SLC39A8: variants seen among roughly 807,000 people sequenced by gnomAD.
The protein encoded by SLC39A8 is solute carrier family 39 member 8.
A neutral mutation model predicts 40.4 loss-of-function variants in SLC39A8; 15 were observed. The observed-to-expected ratio is 0.37, with a 90% CI of 0.25 to 0.57. The LOEUF is 0.57. SLC39A8 is among the 20% of genes least tolerant of loss of function. SLC39A8 has a pLI of 0.75. For missense variants in SLC39A8, 472 were observed against 558.8 expected (o/e 0.84, Z 1.57); for synonymous variants, 223 against 221.6 (o/e 1.01, Z -0.06).
intron 6 of SLC39A8, among the ~76,000 whole-genome samples, chr4:102,286,056 TGGTCTATTTTA>T (rs1360677418): frequency 6.6e-6 from 1 of 152,148 alleles, no homozygotes; most frequent in African/African-American, 2.4e-5. Context: ...GAAAACAAAG[TGGTCTATTTTA>T]GTCATCCAAC....
chr4:102,324,080 C>T (rs1310372302), intron 2 of SLC39A8, among the ~76,000 whole-genome samples: 1 of 152,104 alleles, frequency 6.6e-6, no homozygotes, highest in African/African-American at 2.4e-5. Flanking sequence ...AACAAAACTG[C>T]CCTTGTACTT....
chr4:102,285,639 G>C (rs1733141903), intron 6 of SLC39A8, among the ~76,000 whole-genome samples: 1 of 151,666 alleles, frequency 6.6e-6, no homozygotes, highest in Admixed American at 6.6e-5. Context: ...GTGTGTGTGT[G>C]TGTGTGTGCA....
intron 6 of SLC39A8, among the ~76,000 whole-genome samples, chr4:102,269,032 T>C (rs113356759): frequency 5.3e-5 from 8 of 152,344 alleles, no homozygotes; most frequent in African/African-American, 1.9e-4. Context: ...ATTACATTTA[T>C]TGAACTTCTG....
intron 2 of SLC39A8, among the ~76,000 whole-genome samples, chr4:102,335,796 T>A (rs1403662067): frequency 1.3e-5 from 2 of 152,178 alleles, no homozygotes; most frequent in Non-Finnish European, 2.9e-5. Flanking sequence ...TAAAAGCCTC[T>A]CTGAAGGTGA....
chr4:102,297,094 T>C (rs1733710567), intron 6 of SLC39A8, among the ~76,000 whole-genome samples: 1 of 152,118 alleles, frequency 6.6e-6, no homozygotes, highest in Non-Finnish European at 1.5e-5. Flanking sequence ...AAAAGAGGAA[T>C]ATCACATGCT....
At chr4:102,309,884 A>G (rs1734349622) in intron 3 of SLC39A8, among the ~76,000 whole-genome samples, 1 of 152,006 alleles carries the variant, frequency 6.6e-6, no homozygotes, top group African/African-American at 2.4e-5. Context: ...TCTCACCTCT[A>G]GCCTCTCCAT....
At chr4:102,340,014 T>C (rs1039500776) in intron 2 of SLC39A8, among the ~76,000 whole-genome samples, 1 of 152,186 alleles carries the variant, frequency 6.6e-6, no homozygotes, top group African/African-American at 2.4e-5. Context: ...CAGGCATAAA[T>C]GGGTTAGTTC....
intron 6 of SLC39A8, among the ~76,000 whole-genome samples, chr4:102,279,469 T>A (rs1732778169): frequency 6.6e-6 from 1 of 152,134 alleles, no homozygotes; most frequent in Non-Finnish European, 1.5e-5. Flanking sequence ...TTCCCGATAG[T>A]CCTGGTCAAG....
chr4:102,321,404 C>T (rs192339861), intron 2 of SLC39A8, among the ~76,000 whole-genome samples: 1 of 152,316 alleles, frequency 6.6e-6, no homozygotes, highest in Non-Finnish European at 1.5e-5. Context: ...ATGGGAATTT[C>T]CCGTGCGTGC....
intron 6 of SLC39A8, among the ~76,000 whole-genome samples, chr4:102,271,664 C>T (rs1002799331): frequency 2.0e-5 from 3 of 152,198 alleles, no homozygotes; most frequent in African/African-American, 7.2e-5. Context: ...AGGGGATGCT[C>T]TTGGACTCAC....
intron 8 of SLC39A8, among the ~76,000 whole-genome samples, chr4:102,264,245 T>C (rs574939106): frequency 1.3e-5 from 2 of 152,332 alleles, no homozygotes; most frequent in South Asian, 4.1e-4. Flanking sequence ...ATCCATGGAC[T>C]GCGGAATGTA....
chr4:102,305,461 C>A (rs767248086), intron 4 of SLC39A8, among the ~76,000 whole-genome samples: 3 of 151,884 alleles, frequency 2.0e-5, no homozygotes, highest in African/African-American at 7.2e-5. Context: ...GATATTAGGT[C>A]TAGATAATGA....
intron 2 of SLC39A8, among the ~76,000 whole-genome samples, chr4:102,333,123 C>G (rs1332194389): frequency 6.6e-6 from 1 of 151,978 alleles, no homozygotes; most frequent in Admixed American, 6.6e-5. Flanking sequence ...AAGTAACAAA[C>G]CTGCATGTTC....
chr4:102,339,846 A>C (rs1220071299), intron 2 of SLC39A8, among the ~76,000 whole-genome samples: 3 of 152,190 alleles, frequency 2.0e-5, no homozygotes, highest in African/African-American at 7.2e-5. Context: ...TGTCAGATTA[A>C]TGTTCTGAAA....
intron 3 of SLC39A8, among the ~76,000 whole-genome samples, chr4:102,308,028 T>C (rs1734267756): frequency 6.8e-6 from 1 of 146,288 alleles, no homozygotes; most frequent in Non-Finnish European, 1.5e-5. Context: ...AGGTATGGGG[T>C]GATGGGTGGG....
intron 2 of SLC39A8, among the ~76,000 whole-genome samples, chr4:102,323,909 C>T (rs906583476): frequency 4.6e-5 from 7 of 152,158 alleles, no homozygotes; most frequent in Admixed American, 4.6e-4. Flanking sequence ...AGTTGAAACA[C>T]ACAATTAAAT....
At chr4:102,319,983 T>G (rs1020778083) in intron 2 of SLC39A8, among the ~76,000 whole-genome samples, 1 of 151,190 alleles carries the variant, frequency 6.6e-6, no homozygotes, top group African/African-American at 2.4e-5. Flanking sequence ...GTCATTTGAT[T>G]TCAGTTTCTT....
intron 3 of SLC39A8, among the ~76,000 whole-genome samples, chr4:102,311,923 A>G (rs1734450849): frequency 6.6e-6 from 1 of 152,076 alleles, no homozygotes; most frequent in Admixed American, 6.6e-5. Flanking sequence ...TTATTTTAAA[A>G]TGTTTTTCTT....
In SLC39A8 at chr4:102,337,331, A is replaced by G. The variant is rs1429980502; in HGVS notation, c.219+7113T>C. 4.6e-5 allele frequency among the ~76,000 whole-genome samples: 7 copies of G among 152,324 alleles called. No individual in the cohort carries two copies. In the East Asian group the frequency reaches 1.3e-3, roughly 29 times the overall value. ...AAGTAATAGGTTTTTATGACTAGAA[A>G]GCAGAAAACTAAGTCCCTGCCCCTC... is the stretch of plus-strand genomic sequence containing the variant. On this transcript the variant is annotated intron_variant, in intron 2 of 8. Transcript: ENST00000356736.
Sources: gnomAD v4.1 joint callset for allele counts (sites outside exome capture counted in the v4.1 genomes callset) on GRCh38, gnomAD v4.1.1 for gene constraint, MANE v1.5 for transcripts, NCBI Gene and HGNC (gene_info 2026-07-23, HGNC 2026-07-21) for gene names.